The following TNPO1 variants were observed in gnomAD, a reference collection of about 807,000 sequenced individuals.
TNPO1 encodes the protein transportin 1.
In TNPO1, 8 loss-of-function variants were observed where a neutral mutation model predicts 119.5. The observed-to-expected ratio is 0.07, with a 90% CI of 0.04 to 0.12. TNPO1 has a LOEUF of 0.12. Ranked by LOEUF, TNPO1 falls within the 10% of genes least tolerant of loss-of-function variation. TNPO1 has a pLI of 1.00. For missense variants in TNPO1, 576 were observed against 1,089.8 expected (o/e 0.53, Z 6.64); for synonymous variants, 362 against 363.0 (o/e 1.00, Z 0.03).
chr5:72,884,799 T>C (rs571517320), intron 11 of TNPO1, among the ~76,000 whole-genome samples: 3 of 152,312 alleles, frequency 2.0e-5, no homozygotes, highest in African/African-American at 4.8e-5. Context: ...TGTAATTCTT[T>C]GTTGCGGAGG....
chr5:72,874,809 G>T lies in TNPO1; in HGVS notation c.679-806G>T, dbSNP rs150483136. On this transcript the variant is annotated intron_variant, in intron 7 of 24. Coordinates refer to ENST00000337273, the MANE Select transcript of TNPO1 (RefSeq NM_002270.4). ...ATGTTACTTAACTTTTTAAATGCTTGTTTTACTGCTTTTAATACATGTATG... is the reference window on the plus strand; with the variant it reads ...ATGTTACTTAACTTTTTAAATGCTTTTTTTACTGCTTTTAATACATGTATG... 1.7e-3 allele frequency among the ~76,000 whole-genome samples: 262 copies of T among 152,270 alleles called. 1 individual carries two copies. Among genetic ancestry groups the T allele is most frequent in the Non-Finnish European group, 1.7e-3 (115 of 68,004 alleles).
intron 11 of TNPO1, among the ~76,000 whole-genome samples, chr5:72,886,687 A>G (rs1350048971): frequency 2.0e-5 from 3 of 151,922 alleles, no homozygotes; most frequent in South Asian, 4.2e-4. Context: ...TCACGAGGTC[A>G]GGAGTTTGAG....
At chr5:72,865,299 G>A (rs751826670) in intron 5 of TNPO1, among the ~76,000 whole-genome samples, 3 of 151,800 alleles carry the variant, frequency 2.0e-5, no homozygotes, top group Middle Eastern at 3.4e-3. Flanking sequence ...AAACTTAGCC[G>A]GGCACAATGG....
chr5:72,848,198 A>T (rs1050892641), intron 1 of TNPO1, 187 bp from the exon 2 acceptor site: 1 of 1,233,778 alleles, frequency 8.1e-7, no homozygotes, highest in Admixed American at 4.3e-5. Flanking sequence ...GGCTGCCAGG[A>T]GCAGTTCCGC....
intron 4 of TNPO1, among the ~76,000 whole-genome samples, chr5:72,858,742 C>A (rs34664): frequency 0.81 from 122,211 of 151,314 alleles, 49,819 homozygotes; most frequent in Non-Finnish European, 0.86. Context: ...GAGGCTGAGG[C>A]AGGAGAATGG....
chr5:72,890,712 C>G (rs1357941579), intron 14 of TNPO1, among the ~76,000 whole-genome samples: 1 of 152,012 alleles, frequency 6.6e-6, no homozygotes, highest in African/African-American at 2.4e-5. Flanking sequence ...TATGTTTAGT[C>G]GTTTTATGGA....
At chr5:72,851,713 T>G (rs571065817) in intron 3 of TNPO1, among the ~76,000 whole-genome samples, 1 of 152,312 alleles carries the variant, frequency 6.6e-6, no homozygotes, top group Non-Finnish European at 1.5e-5. Flanking sequence ...AGGCTAACCT[T>G]GAACTCCTGG....
At chr5:72,849,405 TAGTTA>T (rs1334142098) in intron 2 of TNPO1, among the ~76,000 whole-genome samples, 9 of 152,238 alleles carry the variant, frequency 5.9e-5, no homozygotes, top group Non-Finnish European at 1.2e-4. Context: ...CTAAAGAAGT[TAGTTA>T]AGTCTACTAT....
intron 7 of TNPO1, among the ~76,000 whole-genome samples, chr5:72,875,243 A>C (rs184003890): frequency 2.3e-4 from 35 of 152,222 alleles, no homozygotes; most frequent in African/African-American, 8.0e-4. Flanking sequence ...TCACCTTTTT[A>C]TAAATCTTGA....
At chr5:72,818,466 C>T in intron 1 of TNPO1, among the ~76,000 whole-genome samples, 1 of 152,140 alleles carries the variant, frequency 6.6e-6, no homozygotes, top group Non-Finnish European at 1.5e-5. Flanking sequence ...TGAGCTACTA[C>T]ATTGAAATGT....
intron 24 of TNPO1, among the ~76,000 whole-genome samples, chr5:72,906,388 T>C (rs1200926773): frequency 7.2e-6 from 1 of 139,042 alleles, no homozygotes; most frequent in Admixed American, 7.8e-5. Flanking sequence ...GCCTCTTGGG[T>C]TCAAGCAATT....
At chr5:72,848,614 A>C (rs1745280944) in intron 2 of TNPO1, 116 bp downstream of exon 2, 3 of 437,632 alleles carry the variant, frequency 6.9e-6, no homozygotes, top group African/African-American at 4.3e-5. Context: ...ATCCTCCGAG[A>C]CCGGCCTCCT....
intron 5 of TNPO1, 115 bp from the exon 6 acceptor site, chr5:72,865,481 G>A: frequency 1.7e-6 from 2 of 1,148,688 alleles, no homozygotes; most frequent in Non-Finnish European, 2.4e-6. Context: ...ATTTTAGAAG[G>A]CATTTTATGT....
In TNPO1 at chr5:72,909,851, T is replaced by TA. The variant is rs1408789252; in HGVS notation, c.*1179dup. ...TAACCTGCACAATGTGGAAAGCTGA[T>TA]ATACCTGTGCAAAATCTTTGCCTCT... On this transcript the variant is annotated 3_prime_UTR_variant, in exon 25 of 25. Transcript: ENST00000337273. 2.6e-5 allele frequency: 4 copies of TA among 152,644 alleles called. No homozygotes were observed. Among genetic ancestry groups the TA allele is most frequent in the Admixed American group, 2.6e-4 (4 of 15,278 alleles). 9.5% of individuals were successfully genotyped at this position (152,644 alleles called of 1,614,324 possible).
intron 1 of TNPO1, among the ~76,000 whole-genome samples, chr5:72,817,247 T>TA (rs1743736089): frequency 6.6e-6 from 1 of 152,214 alleles, no homozygotes; most frequent in African/African-American, 2.4e-5. Flanking sequence ...CCATCGTCCT[T>TA]ACATGCAGCT....
At chr5:72,869,299 C>T (rs989683510) in intron 6 of TNPO1, among the ~76,000 whole-genome samples, 13 of 152,178 alleles carry the variant, frequency 8.5e-5, no homozygotes, top group African/African-American at 3.1e-4. Context: ...GTAATCCCAG[C>T]ACTTTGGGAG....
At chr5:72,854,753 C>T (rs1379771722) in intron 3 of TNPO1, among the ~76,000 whole-genome samples, 1 of 152,152 alleles carries the variant, frequency 6.6e-6, no homozygotes, top group African/African-American at 2.4e-5. Context: ...TTATGTTCTA[C>T]TAGTATTAAG....
intron 19 of TNPO1, 91 bp downstream of exon 19, chr5:72,896,647 A>G (rs1473392314): frequency 1.1e-6 from 1 of 951,372 alleles, no homozygotes; most frequent in Non-Finnish European, 1.6e-6. Flanking sequence ...AGGCGGGCAG[A>G]TCACCTGAGG....
At chr5:72,864,209 TATTAA>T (rs1195608014) in intron 5 of TNPO1, among the ~76,000 whole-genome samples, 2 of 152,202 alleles carry the variant, frequency 1.3e-5, no homozygotes, top group African/African-American at 4.8e-5. Context: ...ATTTAATGCA[TATTAA>T]ATTGAAGTTT....
Sources: gnomAD v4.1 joint callset for allele counts (sites outside exome capture counted in the v4.1 genomes callset) on GRCh38, gnomAD v4.1.1 for gene constraint, MANE v1.5 for transcripts, NCBI Gene and HGNC (gene_info 2026-07-23, HGNC 2026-07-21) for gene names.